Variants in MCTP2 observed in about 807,000 individuals in gnomAD.
MCTP2 encodes the protein multiple C2 and transmembrane domain containing 2.
Under a neutral mutation model 111.6 loss-of-function variants are expected in MCTP2, and 132 were observed. The ratio of observed to expected loss-of-function variants is 1.18; its 90% CI spans 1.03 to 1.37. The LOEUF is 1.37. Ranked by LOEUF, MCTP2 falls within the 40% of genes most tolerant of loss-of-function variation. The pLI is 0.00. For missense variants in MCTP2, 1,183 were observed against 1,067.9 expected (o/e 1.11, Z -1.50); for synonymous variants, 395 against 387.7 (o/e 1.02, Z -0.22).
chr15:94,294,045 A>G (rs931009191), intron 1 of MCTP2, among the ~76,000 whole-genome samples: 1 of 152,242 alleles, frequency 6.6e-6, no homozygotes, highest in African/African-American at 2.4e-5. Flanking sequence ...AAAAAGTTCA[A>G]CTACTGACAT....
chr15:94,370,597 G>A (rs1468616398), intron 12 of MCTP2, among the ~76,000 whole-genome samples: 1 of 152,168 alleles, frequency 6.6e-6, no homozygotes, highest in East Asian at 1.9e-4. Flanking sequence ...GATCTGGCTG[G>A]CACCTCATCG....
chr15:94,356,344 TA>T (rs537136142), intron 9 of MCTP2, 43 bp downstream of exon 9: 377 of 1,415,994 alleles, frequency 2.7e-4, no homozygotes, highest in South Asian at 5.6e-4. Flanking sequence ...ATCTTTAAAA[TA>T]AAAAAAAATT....
At chr15:94,431,713 A>G (rs530474527) in intron 17 of MCTP2, among the ~76,000 whole-genome samples, 1 of 152,270 alleles carries the variant, frequency 6.6e-6, no homozygotes, top group East Asian at 1.9e-4. Flanking sequence ...TTTTGAACAG[A>G]ATTAACACAG....
At position 94,325,812 on chromosome 15, in the gene MCTP2, A is replaced by ATTTTTTTTTTTTTTTTT. The variant is rs557989149; in HGVS notation, c.637+10185_637+10201dup. ...GAACCTACTCTACTCCATCGCTCCGATTTTTTTTTTTTTTTTTTTTTTTTT... is the reference window on the plus strand; with the variant it reads ...GAACCTACTCTACTCCATCGCTCCGATTTTTTTTTTTTTTTTTTTTTTTTTTTTTTTTTTTTTTTTTT... On this transcript the variant is annotated intron_variant, in intron 4 of 22. Transcript: ENST00000357742. Among the ~76,000 whole-genome samples the ATTTTTTTTTTTTTTTTT allele has an allele frequency of 4.5e-4, 41 of 91,866 alleles. 3 individuals carry two copies. The highest frequency in any genetic ancestry group is 1.1e-3 in the African/African-American group (25 of 22,342). 60.3% of individuals were successfully genotyped at this position (91,866 alleles called of 152,430 possible). A position where few individuals can be genotyped will look rare whatever the true frequency, so the allele number is the denominator to read the frequency against.
At chr15:94,346,893 C>A (rs2078012464) in intron 8 of MCTP2, among the ~76,000 whole-genome samples, 1 of 148,394 alleles carries the variant, frequency 6.7e-6, no homozygotes, top group Non-Finnish European at 1.5e-5. Context: ...TGTCTTAGAA[C>A]TGAGCTGTTT....
chr15:94,455,069 G>T (rs1209375278), intron 19 of MCTP2, among the ~76,000 whole-genome samples: 7 of 152,192 alleles, frequency 4.6e-5, no homozygotes, highest in Non-Finnish European at 1.0e-4. Flanking sequence ...TGATCTGCCC[G>T]CCATGGCCTC....
chr15:94,268,624 C>T (rs74030911), intron 1 of MCTP2, among the ~76,000 whole-genome samples: 1,749 of 152,170 alleles, frequency 0.011, 38 homozygotes, highest in African/African-American at 0.04. Flanking sequence ...CATTAAATAC[C>T]GTCAGAACTT....
intron 7 of MCTP2, chr15:94,342,585 CAT>C (rs978903088): frequency 3.6e-5 from 5 of 140,010 alleles, no homozygotes; most frequent in African/African-American, 1.5e-4. Context: ...TTTTTATCCC[CAT>C]ATATACACAC....
At chr15:94,374,619 A>T (rs1429228261) in intron 12 of MCTP2, among the ~76,000 whole-genome samples, 1 of 152,180 alleles carries the variant, frequency 6.6e-6, no homozygotes, top group African/African-American at 2.4e-5. Context: ...CTTTCTCTTT[A>T]TTAGTTTTAT....
chr15:94,357,525 G>A (rs1246235116), intron 9 of MCTP2, among the ~76,000 whole-genome samples: 1 of 151,488 alleles, frequency 6.6e-6, no homozygotes, highest in Non-Finnish European at 1.5e-5. Flanking sequence ...CATTTAATTT[G>A]TGGTCTAACA....
chr15:94,347,549 C>T (rs888447849), intron 8 of MCTP2, among the ~76,000 whole-genome samples: 7 of 151,828 alleles, frequency 4.6e-5, no homozygotes, highest in African/African-American at 7.3e-5. Flanking sequence ...TCTTACTGTT[C>T]GGCCCTGGAT....
At chr15:94,266,755 C>A (rs1281357240) in intron 1 of MCTP2, among the ~76,000 whole-genome samples, 1 of 152,176 alleles carries the variant, frequency 6.6e-6, no homozygotes, top group Non-Finnish European at 1.5e-5. Flanking sequence ...TTGGATCAGA[C>A]CCACCTTACC....
At chr15:94,381,924 A>G (rs1374765357) in intron 12 of MCTP2, among the ~76,000 whole-genome samples, 2 of 152,128 alleles carry the variant, frequency 1.3e-5, no homozygotes, top group Non-Finnish European at 2.9e-5. Flanking sequence ...TGTTAGTTTG[A>G]TTTTGACTCC....
intron 1 of MCTP2, among the ~76,000 whole-genome samples, chr15:94,274,724 A>T (rs1272166467): frequency 6.6e-6 from 1 of 152,164 alleles, no homozygotes; most frequent in Non-Finnish European, 1.5e-5. Flanking sequence ...TAAATTTATT[A>T]TTAAAAATCT....
At chr15:94,303,915 C>A (rs967594460) in intron 2 of MCTP2, among the ~76,000 whole-genome samples, 1 of 152,024 alleles carries the variant, frequency 6.6e-6, no homozygotes, top group Non-Finnish European at 1.5e-5. Context: ...CTGGAGAAAT[C>A]TGTAGAGAGA....
chr15:94,231,496 A>C (rs1353009714), upstream of MCTP2: 1 of 152,128 alleles, frequency 6.6e-6, no homozygotes, highest in African/African-American at 2.4e-5. Context: ...CGGGGCTCGC[A>C]AGGGCGGTGG....
At chr15:94,308,413 G>C (rs2075981424) in intron 2 of MCTP2, among the ~76,000 whole-genome samples, 1 of 152,140 alleles carries the variant, frequency 6.6e-6, no homozygotes, top group Non-Finnish European at 1.5e-5. Context: ...AGGTCACTCA[G>C]GGGAAGCCCA....
At chr15:94,245,419 TGTGTGTATATATTTATATATACAC>T (rs1567265279) in intron 1 of MCTP2, among the ~76,000 whole-genome samples, 1 of 84,562 alleles carries the variant, frequency 1.2e-5, no homozygotes, top group African/African-American at 4.2e-5. Context: ...TTTATATACA[TGTGTGTATATATTTATATATACAC>T]ATATATGTAT....
intron 4 of MCTP2, among the ~76,000 whole-genome samples, chr15:94,322,373 T>C (rs1168326447): frequency 3.3e-5 from 5 of 152,152 alleles, no homozygotes; most frequent in Non-Finnish European, 1.5e-5. Flanking sequence ...CTGCATTTTC[T>C]TCGGATTGTT....
Sources: gnomAD v4.1 joint callset for allele counts (sites outside exome capture counted in the v4.1 genomes callset) on GRCh38, gnomAD v4.1.1 for gene constraint, MANE v1.5 for transcripts, NCBI Gene and HGNC (gene_info 2026-07-23, HGNC 2026-07-21) for gene names.